Variants in CYP7B1 observed in about 807,000 individuals in gnomAD.
CYP7B1 encodes cytochrome P450 7B1.
A neutral mutation model predicts 42.7 loss-of-function variants in CYP7B1; 29 were observed. The observed-to-expected ratio is 0.68, with a 90% CI of 0.51 to 0.93. The LOEUF is 0.93. Ranked by LOEUF, CYP7B1 falls within the 40% of genes least tolerant of loss-of-function variation. The pLI, the probability that CYP7B1 is intolerant of heterozygous loss-of-function variation, is 0.00. For missense variants in CYP7B1, 655 were observed against 600.5 expected (o/e 1.09, Z -0.95); for synonymous variants, 235 against 218.2 (o/e 1.08, Z -0.68).
At chr8:64,679,455 A>G (rs1016766850) in intron 1 of CYP7B1, among the ~76,000 whole-genome samples, 1 of 152,240 alleles carries the variant, frequency 6.6e-6, no homozygotes, top group African/African-American at 2.4e-5. Flanking sequence ...TAAGTTAAAT[A>G]TGATTGTTTA....
intron 1 of CYP7B1, among the ~76,000 whole-genome samples, chr8:64,707,216 G>A (rs963988918): frequency 2.6e-5 from 4 of 152,082 alleles, no homozygotes; most frequent in Admixed American, 1.3e-4. Context: ...GGTACCTAGA[G>A]GCCAAGAAAA....
chr8:64,745,701 A>T (rs1480635720), intron 1 of CYP7B1, among the ~76,000 whole-genome samples: 1 of 152,134 alleles, frequency 6.6e-6, no homozygotes, highest in African/African-American at 2.4e-5. Flanking sequence ...TGAGGTACAT[A>T]TTGGCCAGCA....
intron 2 of CYP7B1, among the ~76,000 whole-genome samples, chr8:64,622,591 C>G (rs1001893260): frequency 6.6e-6 from 1 of 152,112 alleles, no homozygotes; most frequent in Non-Finnish European, 1.5e-5. Flanking sequence ...CAAATATATG[C>G]AACTCTCTTG....
chr8:64,760,895 C>T (rs904375642), intron 1 of CYP7B1, among the ~76,000 whole-genome samples: 7 of 152,120 alleles, frequency 4.6e-5, no homozygotes, highest in African/African-American at 1.7e-4. Context: ...AAGATATCTG[C>T]ACTCCAGTGT....
At chr8:64,761,756 G>A (rs887801774) in intron 1 of CYP7B1, among the ~76,000 whole-genome samples, 1 of 152,110 alleles carries the variant, frequency 6.6e-6, no homozygotes. Context: ...AATATATTTA[G>A]GAGTTGGTCT....
intron 1 of CYP7B1, among the ~76,000 whole-genome samples, chr8:64,683,542 A>T (rs1806571980): frequency 6.6e-6 from 1 of 152,218 alleles, no homozygotes; most frequent in African/African-American, 2.4e-5. Context: ...GGGATACTAT[A>T]GTTAGTAATA....
chr8:64,638,682 T>A (rs1054530911), intron 1 of CYP7B1, among the ~76,000 whole-genome samples: 22 of 151,832 alleles, frequency 1.4e-4, no homozygotes, highest in Admixed American at 1.2e-3. Flanking sequence ...CAGGGTGGAG[T>A]AAGGGATTTT....
chr8:64,797,381 A>G (rs1804720756), intron 1 of CYP7B1, among the ~76,000 whole-genome samples: 2 of 152,192 alleles, frequency 1.3e-5, no homozygotes, highest in Admixed American at 6.5e-5. Context: ...GAGAAGGTGG[A>G]ACCTACATAG....
chr8:64,750,032 T>G (rs1807704188), intron 1 of CYP7B1, among the ~76,000 whole-genome samples: 1 of 152,210 alleles, frequency 6.6e-6, no homozygotes, highest in Admixed American at 6.5e-5. Flanking sequence ...AATAAATGCA[T>G]GCTAAAATGC....
At position 64,795,537 on chromosome 8, in the gene CYP7B1, G is replaced by A. The variant is rs200004586; in HGVS notation, c.122+2929C>T. ...TTAACATAACCCAAAGAGAATTATT[G>A]ATTTCCTCAATTCTCCCAAACCTTC... On this transcript the variant is annotated intron_variant, in intron 1 of 5. Coordinates refer to ENST00000310193, the MANE Select transcript of CYP7B1 (RefSeq NM_004820.5). Among the ~76,000 whole-genome samples, 14 of 152,152 alleles carry A rather than the reference G, an allele frequency of 9.2e-5. No homozygotes were observed. The East Asian group carries it at 2.7e-3, about 29-fold the overall frequency.
rs1205684509 is a variant in CYP7B1, at chr8:64,591,935, C to G, written c.*4707G>C. 6.6e-6 allele frequency among the ~76,000 whole-genome samples: 1 copy of G among 151,940 alleles called. No individual in the cohort carries two copies. Among genetic ancestry groups the G allele is most frequent in the Admixed American group, 6.6e-5 (1 of 15,254 alleles). On this transcript the variant is annotated 3_prime_UTR_variant, in exon 6 of 6. Transcript: ENST00000310193. ...GGGCACGGTGGCTCATGTCTGCAAC[C>G]CCAGCACTTAGGGAGTCCGAGGCGG...
intron 1 of CYP7B1, among the ~76,000 whole-genome samples, chr8:64,647,081 G>A (rs890301801): frequency 2.0e-5 from 3 of 152,148 alleles, no homozygotes; most frequent in African/African-American, 7.2e-5. Flanking sequence ...GGCCACTGTA[G>A]GGTTATTAAT....
chr8:64,753,653 C>T (rs1321374107), intron 1 of CYP7B1, among the ~76,000 whole-genome samples: 1 of 152,170 alleles, frequency 6.6e-6, no homozygotes, highest in African/African-American at 2.4e-5. Flanking sequence ...TCACTGGGAA[C>T]AGGCAAGAAC....
intron 1 of CYP7B1, among the ~76,000 whole-genome samples, chr8:64,680,447 G>T (rs1167355078): frequency 1.3e-5 from 2 of 152,162 alleles, no homozygotes; most frequent in Non-Finnish European, 2.9e-5. Context: ...CTGAAGGACA[G>T]CAGTCCCAAA....
At chr8:64,623,543 T>C (rs1034471675) in intron 2 of CYP7B1, among the ~76,000 whole-genome samples, 1 of 152,184 alleles carries the variant, frequency 6.6e-6, no homozygotes, top group South Asian at 2.1e-4. Flanking sequence ...CAGCAATCAA[T>C]AGCTGATACA....
At chr8:64,604,018 T>A (rs1805239159) in intron 5 of CYP7B1, among the ~76,000 whole-genome samples, 1 of 152,090 alleles carries the variant, frequency 6.6e-6, no homozygotes, top group African/African-American at 2.4e-5. Context: ...ATGCAGGTGG[T>A]GAATCTCTGA....
At chr8:64,605,148 G>T (rs539490169) in intron 4 of CYP7B1, among the ~76,000 whole-genome samples, 1 of 152,238 alleles carries the variant, frequency 6.6e-6, no homozygotes, top group South Asian at 2.1e-4. Context: ...CTGCTAGAGA[G>T]GAATGTTGTG....
chr8:64,791,037 T>TA (rs1286860248), intron 1 of CYP7B1, among the ~76,000 whole-genome samples: 1 of 152,132 alleles, frequency 6.6e-6, no homozygotes, highest in African/African-American at 2.4e-5. Flanking sequence ...TGATATAACA[T>TA]AGAGTCCAGA....
chr8:64,624,458 C>T lies in CYP7B1; in HGVS notation c.204G>A (p.Arg68=), dbSNP rs377119798. ...VVLNLRKDPL[R]FMKTLQKQHG... is the part of the protein sequence containing the mutation. ...GTTGCTTTTGAAGTGTTTTCATGAA[C>T]CTTAAGGGGTCTTTTCGTAAGTTCA... The change falls in exon 2 of 6, where the codon AGG becomes AGA. Residue 68 remains arginine (R), a synonymous_variant. Coordinates refer to ENST00000310193, the MANE Select transcript of CYP7B1 (RefSeq NM_004820.5). 7.4e-5 allele frequency: 119 copies of T among 1,612,744 alleles called. No homozygotes were observed. Among genetic ancestry groups the T allele is most frequent in the Non-Finnish European group, 9.8e-5 (116 of 1,179,822 alleles).
Sources: gnomAD v4.1 joint callset for allele counts (sites outside exome capture counted in the v4.1 genomes callset) on GRCh38, gnomAD v4.1.1 for gene constraint, MANE v1.5 for transcripts, NCBI Gene and HGNC (gene_info 2026-07-23, HGNC 2026-07-21) for gene names.